Variants in ARHGAP8 observed in about 807,000 individuals in gnomAD.
The protein encoded by ARHGAP8 is rho GTPase-activating protein 8.
Under a neutral mutation model 46.1 loss-of-function variants are expected in ARHGAP8, and 62 were observed. The ratio of observed to expected loss-of-function variants is 1.34; its 90% confidence interval spans 1.10 to 1.66. ARHGAP8 has a LOEUF of 1.66. ARHGAP8 is among the 40% of genes most tolerant of loss of function. The probability of loss-of-function intolerance (pLI) is 0.00; values close to 1 mark genes in which losing one functional copy is unlikely to be tolerated. For synonymous variants in ARHGAP8, 375 were observed against 243.1 expected (o/e 1.54, Z -5.05); for missense variants, 923 against 568.4 (o/e 1.62, Z -6.34).
intron 1 of ARHGAP8, among the ~76,000 whole-genome samples, chr22:44,784,290 G>A (rs1441207949): frequency 6.6e-6 from 1 of 152,108 alleles, no homozygotes; most frequent in Non-Finnish European, 1.5e-5. Context: ...TGTAATTCCA[G>A]CTACTCAGGA....
At chr22:44,789,748 G>C (rs1602178268) in intron 2 of ARHGAP8, among the ~76,000 whole-genome samples, 1 of 152,006 alleles carries the variant, frequency 6.6e-6, no homozygotes. Flanking sequence ...CAATCGGCCT[G>C]TCTTGGCCTC....
chr22:44,817,909 G>A (rs954323658), intron 5 of ARHGAP8, among the ~76,000 whole-genome samples: 1 of 152,168 alleles, frequency 6.6e-6, no homozygotes, highest in Non-Finnish European at 1.5e-5. Context: ...GAGCCCAGGA[G>A]TTTAAGACCA....
intron 10 of ARHGAP8, among the ~76,000 whole-genome samples, chr22:44,855,657 C>T (rs971101123): frequency 1.3e-5 from 2 of 151,994 alleles, no homozygotes; most frequent in Non-Finnish European, 2.9e-5. Context: ...CAAAGGTGTA[C>T]CTAATCCAAT....
intron 5 of ARHGAP8, among the ~76,000 whole-genome samples, chr22:44,819,304 T>C (rs1345150029): frequency 6.6e-6 from 1 of 152,196 alleles, no homozygotes; most frequent in Non-Finnish European, 1.5e-5. Context: ...TAACCTCAAG[T>C]AATCCTCCAG....
chr22:44,784,944 A>ACCC (rs1927105991), intron 1 of ARHGAP8, among the ~76,000 whole-genome samples: 1 of 152,214 alleles, frequency 6.6e-6, no homozygotes, highest in South Asian at 2.1e-4. Flanking sequence ...CCTGTTGATG[A>ACCC]ACAGGGGCCT....
At position 44,759,183 on chromosome 22, in the gene ARHGAP8, C is replaced by T. The variant is rs370799683; in HGVS notation, c.-72+6556C>T. The stretch of plus-strand genomic sequence containing the variant: ...GCTTGTTCTTTTATTCAACAGACCT[C>T]CCAAGTCCCTGCTCGTGTCCCCAGC... On this transcript the variant is annotated intron_variant, in intron 1 of 11. Transcript: ENST00000356099. 5.9e-5 allele frequency among the ~76,000 whole-genome samples: 9 copies of T among 152,188 alleles called. No homozygotes were observed. In the East Asian group the frequency reaches 1.2e-3, roughly 20 times the overall value.
chr22:44,833,101 T>TTTTCTTTTC (rs1569169226), intron 7 of ARHGAP8, among the ~76,000 whole-genome samples: 1,223 of 56,444 alleles, frequency 0.022, 10 homozygotes, highest in African/African-American at 0.078. Flanking sequence ...CTTTTCTTTT[T>TTTTCTTTTC]TTTTTTTTTT....
At chr22:44,770,243 C>G (rs776682323) in intron 1 of ARHGAP8, among the ~76,000 whole-genome samples, 9 of 151,592 alleles carry the variant, frequency 5.9e-5, no homozygotes, top group Non-Finnish European at 1.3e-4. Context: ...GACTCCATCT[C>G]AAAAAACAAA....
intron 11 of ARHGAP8, among the ~76,000 whole-genome samples, chr22:44,860,814 C>A (rs995287919): frequency 6.6e-6 from 1 of 152,198 alleles, no homozygotes; most frequent in Non-Finnish European, 1.5e-5. Flanking sequence ...GACCCACGGC[C>A]TTGAATGTTT....
At chr22:44,785,697 A>C (rs1185426331) in intron 1 of ARHGAP8, among the ~76,000 whole-genome samples, 1 of 152,124 alleles carries the variant, frequency 6.6e-6, no homozygotes, top group Non-Finnish European at 1.5e-5. Flanking sequence ...GAAATTCAAA[A>C]TTCCTGTTCT....
At chr22:44,852,461 C>T (rs547769210) in intron 10 of ARHGAP8, among the ~76,000 whole-genome samples, 1 of 152,284 alleles carries the variant, frequency 6.6e-6, no homozygotes, top group Non-Finnish European at 1.5e-5. Flanking sequence ...TTCTTAGATT[C>T]CTTCAGCTCA....
chr22:44,858,369 G>T (rs1315610293), intron 10 of ARHGAP8, among the ~76,000 whole-genome samples: 9 of 142,016 alleles, frequency 6.3e-5, no homozygotes, highest in African/African-American at 2.1e-4. Context: ...GTTGGTGGTG[G>T]TTTTTTTTTT....
intron 1 of ARHGAP8, among the ~76,000 whole-genome samples, chr22:44,758,456 G>A (rs1021511748): frequency 6.6e-6 from 1 of 152,218 alleles, no homozygotes; most frequent in Non-Finnish European, 1.5e-5. Flanking sequence ...AAGGCTGGGT[G>A]TATGGGGGCT....
intron 1 of ARHGAP8, among the ~76,000 whole-genome samples, chr22:44,764,934 C>G (rs949006783): frequency 1.3e-5 from 2 of 152,194 alleles, no homozygotes; most frequent in African/African-American, 4.8e-5. Flanking sequence ...ACACAAGGCC[C>G]GGATTATGTG....
At chr22:44,777,724 T>G (rs749547716) in intron 1 of ARHGAP8, among the ~76,000 whole-genome samples, 4 of 152,102 alleles carry the variant, frequency 2.6e-5, no homozygotes, top group Non-Finnish European at 2.9e-5. Context: ...AGACAGAGTT[T>G]TGTTCTTGTC....
chr22:44,848,619 GTCA>G (rs2070019085), intron 9 of ARHGAP8, among the ~76,000 whole-genome samples: 1 of 152,222 alleles, frequency 6.6e-6, no homozygotes, highest in South Asian at 2.1e-4. Context: ...GGCCTGCGGT[GTCA>G]TCTCTGCCAC....
chr22:44,831,378 G>C (rs1003046886), intron 7 of ARHGAP8, among the ~76,000 whole-genome samples: 7 of 152,162 alleles, frequency 4.6e-5, no homozygotes, highest in Non-Finnish European at 1.0e-4. Flanking sequence ...TTCTTTGCGT[G>C]TTGTTACAGC....
chr22:44,818,309 C>T (rs538720378), intron 5 of ARHGAP8, among the ~76,000 whole-genome samples: 4 of 151,970 alleles, frequency 2.6e-5, no homozygotes, highest in Admixed American at 6.6e-5. Context: ...ATCAGCTGGG[C>T]GTGGTGGCGC....
chr22:44,755,399 T>C (rs1345608554), intron 1 of ARHGAP8, among the ~76,000 whole-genome samples: 3 of 152,168 alleles, frequency 2.0e-5, no homozygotes, highest in East Asian at 3.9e-4. Context: ...GGAGAGAAAA[T>C]AGACGTTTTC....
Sources: allele counts gnomAD v4.1 joint callset (sites outside exome capture counted in the v4.1 genomes callset), GRCh38; gene constraint gnomAD v4.1.1; transcripts MANE v1.5; gene names NCBI Gene and HGNC (gene_info 2026-07-23, HGNC 2026-07-21).